Variants in OCIAD1 observed in about 807,000 individuals in gnomAD.
OCIAD1 encodes OCIA domain containing 1.
A neutral mutation model predicts 38.9 loss-of-function variants in OCIAD1; 29 were observed. The ratio of observed to expected loss-of-function variants is 0.74; its 90% confidence interval spans 0.55 to 1.02. The LOEUF (loss-of-function observed/expected upper bound fraction) is 1.02, where lower values mean the gene tolerates loss of function less well. Ranked by LOEUF, OCIAD1 falls within the 50% of genes least tolerant of loss-of-function variation. The pLI, the probability that OCIAD1 is intolerant of heterozygous loss-of-function variation, is 0.00. For missense variants in OCIAD1, 288 were observed against 289.6 expected (o/e 0.99, Z 0.04); for synonymous variants, 110 against 92.0 (o/e 1.20, Z -1.12).
chr4:48,836,368 A>G (rs1242299977), intron 3 of OCIAD1, among the ~76,000 whole-genome samples: 1 of 152,230 alleles, frequency 6.6e-6, no homozygotes, highest in Non-Finnish European at 1.5e-5. Context: ...TAGGAGACTC[A>G]ATGATACCTC....
At chr4:48,812,959 G>A (rs1386969754) in intron 1 of OCIAD1, among the ~76,000 whole-genome samples, 2 of 152,208 alleles carry the variant, frequency 1.3e-5, no homozygotes, top group Non-Finnish European at 2.9e-5. Flanking sequence ...TTGAGTAGGT[G>A]AGAGAGGATG....
At chr4:48,853,840 G>A (rs958211956) in intron 7 of OCIAD1, among the ~76,000 whole-genome samples, 2 of 152,184 alleles carry the variant, frequency 1.3e-5, no homozygotes, top group Non-Finnish European at 2.9e-5. Flanking sequence ...GCAAAGGGGT[G>A]AGTATTAGCC....
upstream of OCIAD1, among the ~76,000 whole-genome samples, chr4:48,826,640 A>G (rs12649401): frequency 6.8e-4 from 103 of 152,342 alleles, 1 homozygote; most frequent in East Asian, 0.014. Flanking sequence ...TGATTTGATT[A>G]TTACACACTT....
rs1239246801 is a variant in OCIAD1, at chr4:48,810,683, G to GA, written c.-103+5360dup. ...TTCTAGGCACTAGGGATGCATCAGG[G>GA]AAAAAAATTAAAATCCTGCCTCATG... is the stretch of plus-strand genomic sequence containing the variant. On this transcript the variant is annotated intron_variant, in intron 1 of 6. Transcript: ENST00000504654. Among the ~76,000 whole-genome samples, 4 of 151,638 alleles carry GA rather than the reference G, an allele frequency of 2.6e-5. No homozygotes were observed. In the East Asian group the frequency reaches 7.7e-4, roughly 29 times the overall value.
intron 8 of OCIAD1, among the ~76,000 whole-genome samples, chr4:48,857,947 A>G (rs370047552): frequency 6.6e-6 from 1 of 152,160 alleles, no homozygotes; most frequent in Non-Finnish European, 1.5e-5. Flanking sequence ...TGAGGCCAGG[A>G]ATTGGAGACC....
chr4:48,818,142 A>G (rs1198388628), intron 1 of OCIAD1, among the ~76,000 whole-genome samples: 2 of 152,136 alleles, frequency 1.3e-5, no homozygotes, highest in Non-Finnish European at 2.9e-5. Flanking sequence ...ACCTCCCAAC[A>G]TGGGTTGACA....
chr4:48,841,669 T>C (rs1423583322), intron 3 of OCIAD1, among the ~76,000 whole-genome samples: 1 of 152,186 alleles, frequency 6.6e-6, no homozygotes, highest in African/African-American at 2.4e-5. Context: ...TGGGGGGAAC[T>C]GTTTACCAGT....
At chr4:48,830,710 C>T (rs1289404056), upstream of OCIAD1, 1 of 152,182 alleles carries the variant, frequency 6.6e-6, no homozygotes, top group Admixed American at 6.5e-5. Context: ...ACTACTTAGC[C>T]TACAGGCTCA....
At chr4:48,852,200 G>C (rs1779545420) in intron 7 of OCIAD1, 3 of 400,450 alleles carry the variant, frequency 7.5e-6, no homozygotes, top group Non-Finnish European at 1.3e-5. Context: ...ATAACACTTG[G>C]TTCTTGTCCC....
In OCIAD1 at chr4:48,857,212, G is replaced by C; in HGVS notation, c.548-1G>C. On this transcript the variant is annotated splice_acceptor_variant, in intron 7 of 8. Coordinates refer to ENST00000264312, the MANE Select transcript of OCIAD1 (RefSeq NM_017830.4). LOFTEE classifies it high-confidence loss of function. ...CATTTATTAACTGTTTGTTGTTTTA[G>C]GACCTGATCCCAACCTTGAAGAAAG... is the stretch of plus-strand genomic sequence containing the variant. The C allele has an allele frequency of 6.6e-7, 1 of 1,521,628 alleles. No homozygotes were observed. The highest frequency in any genetic ancestry group is 1.3e-5 in the South Asian group (1 of 75,116). The allele number at this position is 1,521,628 out of a possible 1,614,324, so 94.3% of individuals were successfully genotyped here.
At chr4:48,834,914 G>C (rs924698899) in intron 3 of OCIAD1, among the ~76,000 whole-genome samples, 1 of 152,106 alleles carries the variant, frequency 6.6e-6, no homozygotes, top group Non-Finnish European at 1.5e-5. Context: ...ACTTTGTCCT[G>C]AATTAATTTT....
At chr4:48,850,571 TTTTTG>T (rs985599771) in intron 6 of OCIAD1, among the ~76,000 whole-genome samples, 1 of 152,104 alleles carries the variant, frequency 6.6e-6, no homozygotes, top group African/African-American at 2.4e-5. Context: ...TGGTTCTTCA[TTTTTG>T]TTTTGTTTTG....
chr4:48,860,907 G>T lies in OCIAD1; in HGVS notation c.*145G>T. On this transcript the variant is annotated 3_prime_UTR_variant, in exon 9 of 9. Transcript: ENST00000264312. The stretch of plus-strand genomic sequence containing the variant: ...GGGTTTTTGTGGTTTGACTTCTATG[G>T]TGTTTTAAAAAAACACAGATTTTTA... 1 of 657,760 alleles carries T rather than the reference G, an allele frequency of 1.5e-6. No homozygotes were observed. The highest frequency in any genetic ancestry group is 2.7e-6 in the Non-Finnish European group (1 of 368,514). The allele number at this position is 657,760 out of a possible 1,614,324, so 40.7% of individuals were successfully genotyped here.
chr4:48,838,669 T>C (rs2109537558), intron 3 of OCIAD1, among the ~76,000 whole-genome samples: 1 of 152,368 alleles, frequency 6.6e-6, no homozygotes, highest in East Asian at 1.9e-4. Flanking sequence ...ATCTGTTACT[T>C]TGGAGAGTAT....
chr4:48,814,942 C>T (rs1479157879), intron 1 of OCIAD1, among the ~76,000 whole-genome samples: 1 of 152,148 alleles, frequency 6.6e-6, no homozygotes, highest in Non-Finnish European at 1.5e-5. Flanking sequence ...AAAACAAGAA[C>T]AAAATATGCC....
rs1780600612 is a variant in OCIAD1 at position 48,861,637 on chromosome 4, G to C, written c.*875G>C. 1 of 152,046 alleles carries C rather than the reference G, an allele frequency of 6.6e-6. No homozygotes were observed. The highest frequency in any genetic ancestry group is 1.5e-5 in the Non-Finnish European group (1 of 68,040). 9.4% of individuals were successfully genotyped at this position (152,046 alleles called of 1,614,324 possible). ...GTGGTTCTGGGTTGCAGTGAGCTGT[G>C]GTCACACCACTGAACTCCAGCCTGT... On this transcript the variant is annotated 3_prime_UTR_variant, in exon 9 of 9. Coordinates refer to ENST00000264312, the MANE Select transcript of OCIAD1 (RefSeq NM_017830.4).
intron 4 of OCIAD1, among the ~76,000 whole-genome samples, chr4:48,845,475 C>T (rs1489236344): frequency 6.6e-6 from 1 of 152,138 alleles, no homozygotes; most frequent in Non-Finnish European, 1.5e-5. Context: ...GATTTTTCTC[C>T]TACCTCAGGC....
chr4:48,820,437 C>T (rs1017282070), intron 1 of OCIAD1, among the ~76,000 whole-genome samples: 2 of 152,182 alleles, frequency 1.3e-5, no homozygotes, highest in African/African-American at 4.8e-5. Context: ...TTAATGCCCA[C>T]AACAGAAAGC....
intron 4 of OCIAD1, among the ~76,000 whole-genome samples, chr4:48,845,779 C>T (rs1472158802): frequency 6.6e-6 from 1 of 152,248 alleles, no homozygotes; most frequent in Non-Finnish European, 1.5e-5. Context: ...TTATCCTTCA[C>T]ATCTATCCCT....
Sources: gnomAD v4.1 joint callset for allele counts (sites outside exome capture counted in the v4.1 genomes callset) on GRCh38, gnomAD v4.1.1 for gene constraint, MANE v1.5 for transcripts, NCBI Gene and HGNC (gene_info 2026-07-23, HGNC 2026-07-21) for gene names.